FASN: variants seen among roughly 807,000 people sequenced by gnomAD.
FASN encodes fatty acid synthase.
In FASN, 50 loss-of-function variants were observed where a neutral mutation model predicts 250.0. The observed-to-expected ratio is 0.20, with a 90% CI of 0.16 to 0.25. The LOEUF is 0.25. Ranked by LOEUF, FASN falls within the 10% of genes least tolerant of loss-of-function variation. The pLI, the probability that FASN is intolerant of heterozygous loss-of-function variation, is 1.00. For synonymous variants in FASN, 1,909 were observed against 1,584.0 expected, an observed-to-expected ratio of 1.21 and a Z score of -4.87; for missense variants, 3,031 against 3,498.5, an observed-to-expected ratio of 0.87 and a Z score of 3.37.
At chr17:82,097,698 CG>C (rs2034328357) in intron 1 of FASN, among the ~76,000 whole-genome samples, 1 of 152,076 alleles carries the variant, frequency 6.6e-6, no homozygotes, top group Non-Finnish European at 1.5e-5. Flanking sequence ...AGGCCGGTCC[CG>C]GCGCGGCCCC....
At position 82,089,366 on chromosome 17, in the gene FASN, C is replaced by G. The variant is rs372061454; in HGVS notation, c.1984G>C (p.Val662Leu). The G allele has an allele frequency of 1.2e-6, 2 of 1,612,840 alleles. No homozygotes were observed. The highest frequency in any genetic ancestry group is 4.5e-5 in the East Asian group (2 of 44,886). The change falls in exon 13 of 43, where the codon GTG becomes CTG. Residue 662 changes from valine to leucine, a missense_variant. Val to Leu is a conservative substitution (Grantham distance 32). Coordinates refer to ENST00000306749, the MANE Select transcript of FASN (RefSeq NM_004104.5). Reference protein sequence around the residue: ...SGPQAPVFEFVEQLRKEGVFA... With the variant: ...SGPQAPVFEFLEQLRKEGVFA... Reference sequence around the variant, plus strand: ...ACACCCTCCTTCCTCAGCTGCTCCACGAACTCAAACACCGGGGCCTGGACA... The same window carrying G: ...ACACCCTCCTTCCTCAGCTGCTCCAGGAACTCAAACACCGGGGCCTGGACA...
At chr17:82,087,302 G>T (rs775578668) in intron 20 of FASN, 23 bp downstream of exon 20, 1 of 1,608,532 alleles carries the variant, frequency 6.2e-7, no homozygotes, top group Non-Finnish European at 8.5e-7. Context: ...GGGGGCACTG[G>T]GCTGGGGCTG....
rs889701505 is a variant in FASN, at chr17:82,079,076, G to A, written c.*67C>T. The A allele has an allele frequency of 1.3e-6, 2 of 1,493,688 alleles. No homozygotes were observed. Among genetic ancestry groups the A allele is most frequent in the African/African-American group, 2.8e-5 (2 of 72,090 alleles). 92.5% of individuals were successfully genotyped at this position (1,493,688 alleles called of 1,614,324 possible). ...GCAGGACCCTTCAATCCCGTTGCATGGCGGGGGTGGGGTGGGGTGGGGTGG... is the reference window on the plus strand; with the variant it reads ...GCAGGACCCTTCAATCCCGTTGCATAGCGGGGGTGGGGTGGGGTGGGGTGG... On this transcript the variant is annotated 3_prime_UTR_variant, in exon 43 of 43. Transcript: ENST00000306749.
rs866768252 is a variant in FASN, at chr17:82,093,849, C to T, written c.281-78G>A. 35 of 1,382,176 alleles carry T rather than the reference C, an allele frequency of 2.5e-5. No homozygotes were observed. The Middle Eastern group carries it at 2.0e-3, about 79-fold the overall frequency. 85.6% of individuals were successfully genotyped at this position (1,382,176 alleles called of 1,614,324 possible). On this transcript the variant is annotated intron_variant, in intron 3 of 42. Coordinates refer to ENST00000306749, the MANE Select transcript of FASN (RefSeq NM_004104.5). The stretch of plus-strand genomic sequence containing the variant: ...CCCACCCACCCACCCGGCTCTGGGG[C>T]GAAGGTCCCATCTTGGCCTCACTGG...
intron 37 of FASN, 40 bp downstream of exon 37, chr17:82,081,560 CA>C (rs755347382): frequency 1.2e-6 from 2 of 1,608,924 alleles, no homozygotes; most frequent in African/African-American, 2.7e-5. Context: ...CTGATGCCAG[CA>C]GGGGAAACAC....
intron 35 of FASN, 74 bp downstream of exon 35, chr17:82,082,249 A>G: frequency 6.2e-7 from 1 of 1,604,468 alleles, no homozygotes; most frequent in East Asian, 2.2e-5. Context: ...AGGGCTGTCA[A>G]CAAACCACCT....
intron 21 of FASN, 102 bp downstream of exon 21, chr17:82,086,948 C>T: frequency 7.1e-7 from 1 of 1,405,824 alleles, no homozygotes; most frequent in Non-Finnish European, 9.8e-7. Flanking sequence ...TTGCTGACCC[C>T]AAAGGGGGCC....
At chr17:82,090,319 A>G in intron 11 of FASN, 56 bp downstream of exon 11, 1 of 1,520,832 alleles carries the variant, frequency 6.6e-7, no homozygotes. Context: ...AGGACCCCAC[A>G]GCGAGAAGGC....
In FASN at chr17:82,092,775, G is replaced by A. The variant is rs942201082; in HGVS notation, c.816C>T (p.Leu272=). The change falls in exon 7 of 43, where the codon CTC becomes CTT. Residue 272 remains leucine (L), a synonymous_variant. Coordinates refer to ENST00000306749, the MANE Select transcript of FASN (RefSeq NM_004104.5). ...TFPSGDIQEQ[L]IRSLYQSAGV... is the part of the protein sequence containing the mutation. ...CGGCCGACTGGTACAACGAGCGGAT[G>A]AGCTGCTCCTGGATATCCCCTGAGG... is the stretch of plus-strand genomic sequence containing the variant. 6.2e-6 allele frequency: 10 copies of A among 1,605,298 alleles called. No individual in the cohort carries two copies. In the African/African-American group the frequency reaches 1.2e-4, roughly 19 times the overall value.
chr17:82,080,461 G>A lies in FASN; in HGVS notation c.6956C>T (p.Ser2319Phe), dbSNP rs546752454. The part of the protein sequence containing the change: ...YGACVAFEMC[S>F]QLQAQQSPAP... ...TGGGCTCTGCTGGGCCTGCAGCTGGGAGCACATTTCAAAGGCCACGCAGGC... is the reference window on the plus strand; with the variant it reads ...TGGGCTCTGCTGGGCCTGCAGCTGGAAGCACATTTCAAAGGCCACGCAGGC... The change falls in exon 40 of 43, where the codon TCC (serine) becomes TTC (phenylalanine). Residue 2319 changes from serine to phenylalanine, a missense_variant. Physicochemically the swap from Ser to Phe is radical, Grantham distance 155 (BLOSUM62 -2). Coordinates refer to ENST00000306749, the MANE Select transcript of FASN (RefSeq NM_004104.5). 1.9e-6 allele frequency: 3 copies of A among 1,589,242 alleles called. No individual in the cohort carries two copies. The highest frequency in any genetic ancestry group is 2.6e-6 in the Non-Finnish European group (3 of 1,168,676).
chr17:82,093,971 G>A (rs1279170050), intron 3 of FASN, 200 bp from the exon 4 acceptor site: 2 of 637,658 alleles, frequency 3.1e-6, no homozygotes, highest in African/African-American at 3.6e-5. Context: ...CCTGTGGCCA[G>A]CAGCCAGCCC....
rs914258123 is a variant in FASN at position 82,084,576 on chromosome 17, C to A, written c.4705G>T (p.Ala1569Ser). 2 of 1,611,232 alleles carry A rather than the reference C, an allele frequency of 1.2e-6. No individual in the cohort carries two copies. The highest frequency in any genetic ancestry group is 1.7e-5 in the Admixed American group (1 of 59,802). ...PGAQLCTVYY[A>S]SLNFRDIMLA... ...ATGATGTCGCGGAAGTTGAGGGAGGCGTAGTAGACCGTGCAGAGCTGGGCG... is the reference window on the plus strand; with the variant it reads ...ATGATGTCGCGGAAGTTGAGGGAGGAGTAGTAGACCGTGCAGAGCTGGGCG... Residue 1569 changes from alanine (A) to serine (S), a missense_variant, in exon 27 of 43, where the codon GCC (alanine) becomes TCC (serine). Coordinates refer to ENST00000306749, the MANE Select transcript of FASN (RefSeq NM_004104.5).
chr17:82,080,795 C>G lies in FASN; in HGVS notation c.6723G>C (p.Glu2241Asp). Residue 2241 changes from glutamate to aspartate, a missense_variant, in exon 39 of 43, where the codon GAG (glutamate) becomes GAC (aspartate). Coordinates refer to ENST00000306749, the MANE Select transcript of FASN (RefSeq NM_004104.5). ...TTGGGTGCACCAGGAACAGGGGCCGCTCCGAGCTCTGCACGGAGTTGAGCC... is the reference window on the plus strand; with the variant it reads ...TTGGGTGCACCAGGAACAGGGGCCGGTCCGAGCTCTGCACGGAGTTGAGCC... ...LMRLNSVQSS[E>D]RPLFLVHPIE... 1 of 1,606,842 alleles carries G rather than the reference C, an allele frequency of 6.2e-7. No homozygotes were observed. Among genetic ancestry groups the G allele is most frequent in the Non-Finnish European group, 8.5e-7 (1 of 1,177,774 alleles).
In FASN at chr17:82,090,399, G is replaced by A. The variant is rs2034182840; in HGVS notation, c.1846C>T (p.Pro616Ser). Residue 616 changes from proline to serine, a missense_variant, in exon 11 of 43, where the codon CCG becomes TCG. By Grantham distance (74) the Pro-to-Ser change is moderately conservative. Transcript: ENST00000306749. ...CCCACGGCTGCCATGGCGCCCGGCGGGAGATGGGCTTCTTTGATGCACTGT... is the reference window on the plus strand; with the variant it reads ...CCCACGGCTGCCATGGCGCCCGGCGAGAGATGGGCTTCTTTGATGCACTGT... ...RGQCIKEAHL[P>S]PGAMAAVGLS... The A allele has an allele frequency of 6.3e-7, 1 of 1,596,158 alleles. No individual in the cohort carries two copies. Among genetic ancestry groups the A allele is most frequent in the South Asian group, 1.1e-5 (1 of 88,468 alleles).
intron 11 of FASN, 62 bp downstream of exon 11, chr17:82,090,313 C>T (rs1267854238): frequency 6.7e-6 from 10 of 1,489,666 alleles, no homozygotes; most frequent in Admixed American, 2.0e-5. Context: ...CAGGTGAGGA[C>T]CCCACAGCGA....
chr17:82,090,649 C>T (rs976412800), intron 10 of FASN, 85 bp from the exon 11 acceptor site: 2 of 1,299,826 alleles, frequency 1.5e-6, no homozygotes, highest in Non-Finnish European at 2.2e-6. Context: ...AGGCCATCTC[C>T]ACCCCCGCGC....
At position 82,090,961 on chromosome 17, in the gene FASN, A is replaced by G. The variant is rs1472847227; in HGVS notation, c.1601T>C (p.Val534Ala). ...GTCTGTGCTCAGCAGCAGCTGTGAC[A>G]CCTTCAGGCCGAATGGCTTCACAGC... ...DEAVKPFGLK[V>A]SQLLLSTDES... The change falls in exon 10 of 43, where the codon GTG becomes GCG. Residue 534 changes from valine (V) to alanine (A), a missense_variant. Val to Ala is a moderately conservative substitution (Grantham distance 64). Transcript: ENST00000306749. The G allele has an allele frequency of 3.1e-6, 5 of 1,612,734 alleles. No individual in the cohort carries two copies. Among genetic ancestry groups the G allele is most frequent in the Non-Finnish European group, 4.2e-6 (5 of 1,179,964 alleles).
chr17:82,093,134 AG>A lies in FASN; in HGVS notation c.655+84del, dbSNP rs1175411031. On this transcript the variant is annotated intron_variant, in intron 5 of 42. Coordinates refer to ENST00000306749, the MANE Select transcript of FASN (RefSeq NM_004104.5). ...TGGGTGGGGGATCCCCGGAGCTGGC[AG>A]GATCCTGCTCAGCGTGGGGACTGTG... 90 of 1,543,380 alleles carry A rather than the reference AG, an allele frequency of 5.8e-5. No individual in the cohort carries two copies. In the East Asian group the frequency reaches 2.1e-3, roughly 36 times the overall value.
chr17:82,089,662 G>A lies in FASN; in HGVS notation c.1935C>T (p.Ser645=). 1 of 1,605,772 alleles carries A rather than the reference G, an allele frequency of 6.2e-7. No homozygotes were observed. Residue 645 remains serine (S), a synonymous_variant, in exon 12 of 43, where the codon TCC becomes TCT. Coordinates refer to ENST00000306749, the MANE Select transcript of FASN (RefSeq NM_004104.5). Reference sequence around the variant, plus strand: ...GTCCCGAGATGGTGACTGTGTCCTTGGAGTTGTGGCAGGCGGGCACCACGC... The same window carrying A: ...GTCCCGAGATGGTGACTGTGTCCTTAGAGTTGTGGCAGGCGGGCACCACGC... The part of the protein sequence containing the change: ...PPGVVPACHN[S]KDTVTISGPQ...
Sources: gnomAD v4.1 joint callset for allele counts (sites outside exome capture counted in the v4.1 genomes callset) on GRCh38, gnomAD v4.1.1 for gene constraint, MANE v1.5 for transcripts, NCBI Gene and HGNC (gene_info 2026-07-23, HGNC 2026-07-21) for gene names.